The following ALPL variants were observed in gnomAD, a reference collection of about 807,000 sequenced individuals.
ALPL encodes alkaline phosphatase, biomineralization associated, also known as alkaline phosphatase, tissue-nonspecific isozyme.
ALPL carries 42 observed loss-of-function variants against 51.3 expected under a neutral mutation model. The observed-to-expected ratio is 0.82, with a 90% CI of 0.64 to 1.06. The LOEUF (loss-of-function observed/expected upper bound fraction) is 1.06. Ranked by LOEUF, ALPL falls within the 50% of genes least tolerant of loss-of-function variation. The pLI is 0.00. For missense variants in ALPL, 589 were observed against 709.4 expected (o/e 0.83, Z 1.93); for synonymous variants, 279 against 296.4 (o/e 0.94, Z 0.60).
rs121918003 is a variant in ALPL, at chr1:21,561,127, G to C, written c.212G>C (p.Arg71Pro). Residue 71 changes from arginine (R) to proline (P), a missense_variant, in exon 4 of 12, where the codon CGC becomes CCC. Coordinates refer to ENST00000374840, the MANE Select transcript of ALPL (RefSeq NM_000478.6). ...GGTGTCTCCACAGTGACGGCTGCCC[G>C]CATCCTCAAGGGTCAGCTCCACCAC... ...GMGVSTVTAA[R>P]ILKGQLHHNP... The C allele has an allele frequency of 1.9e-5, 31 of 1,612,770 alleles. No homozygotes were observed. The highest frequency in any genetic ancestry group is 2.6e-5 in the Non-Finnish European group (31 of 1,179,558).
intron 1 of ALPL, among the ~76,000 whole-genome samples, chr1:21,526,808 T>C (rs1417726923): frequency 6.6e-6 from 1 of 152,214 alleles, no homozygotes; most frequent in African/African-American, 2.4e-5. Context: ...GTTCTGCTTT[T>C]TCTGTTTTAT....
Position 21,520,121 on chromosome 1 carries a change from G to T in ALPL, c.-105+10604G>T, listed in dbSNP as rs548231561. Reference sequence around the variant, plus strand: ...TTATTCTATTTTTCAGGTTTTTTTTGTTGTTGTTGTTTGTTTGTTTTTTGA... The same window carrying T: ...TTATTCTATTTTTCAGGTTTTTTTTTTTGTTGTTGTTTGTTTGTTTTTTGA... On this transcript the variant is annotated intron_variant, in intron 1 of 11. Transcript: ENST00000374840. Among the ~76,000 whole-genome samples the T allele has an allele frequency of 1.0e-3, 152 of 151,794 alleles. 1 individual carries two copies. The highest frequency in any genetic ancestry group is 2.8e-3 in the African/African-American group (116 of 41,402).
At chr1:21,575,316 G>C (rs913764808) in intron 9 of ALPL, among the ~76,000 whole-genome samples, 1 of 152,204 alleles carries the variant, frequency 6.6e-6, no homozygotes, top group African/African-American at 2.4e-5. Flanking sequence ...GCCCAGCATT[G>C]CTGTTCAGGG....
At chr1:21,576,257 G>GGAT (rs1644732917) in intron 10 of ALPL, among the ~76,000 whole-genome samples, 2 of 38,706 alleles carry the variant, frequency 5.2e-5, no homozygotes, top group Admixed American at 6.7e-4. Flanking sequence ...GATGGATGAT[G>GGAT]GATGGATGGA....
At chr1:21,553,608 CT>C (rs1644360243) in intron 1 of ALPL, among the ~76,000 whole-genome samples, 1 of 152,234 alleles carries the variant, frequency 6.6e-6, no homozygotes, top group South Asian at 2.1e-4. Flanking sequence ...GGCCGGGAAT[CT>C]GTTGTAACAA....
chr1:21,575,681 C>T (rs1644717828), intron 9 of ALPL, 52 bp from the exon 10 acceptor site: 4 of 1,589,514 alleles, frequency 2.5e-6, no homozygotes, highest in African/African-American at 1.3e-5. Flanking sequence ...GGCTGGGGAG[C>T]AGATCTTCCT....
intron 8 of ALPL, among the ~76,000 whole-genome samples, chr1:21,571,787 T>G (rs1379110073): frequency 6.6e-6 from 1 of 152,078 alleles, no homozygotes; most frequent in African/African-American, 2.4e-5. Flanking sequence ...CCCAGGAGTT[T>G]GAGACCAGCC....
At chr1:21,537,783 C>T (rs1558535382) in intron 1 of ALPL, among the ~76,000 whole-genome samples, 1 of 152,230 alleles carries the variant, frequency 6.6e-6, no homozygotes, top group Non-Finnish European at 1.5e-5. Context: ...CTTTGTGACC[C>T]TGAACCTCCC....
intron 7 of ALPL, among the ~76,000 whole-genome samples, chr1:21,569,523 C>A (rs1277599547): frequency 6.6e-6 from 1 of 152,110 alleles, no homozygotes; most frequent in Non-Finnish European, 1.5e-5. Context: ...CAGGAACAAC[C>A]CTGGAGGGAG....
chr1:21,570,494 G>C (rs1228416328), intron 8 of ALPL, 120 bp downstream of exon 8: 21 of 1,035,450 alleles, frequency 2.0e-5, no homozygotes, highest in Non-Finnish European at 2.6e-5. Flanking sequence ...CTCTGCTCTT[G>C]GGCTTCAGGA....
intron 1 of ALPL, among the ~76,000 whole-genome samples, chr1:21,524,558 C>T (rs974672119): frequency 6.6e-6 from 1 of 152,104 alleles, no homozygotes; most frequent in Non-Finnish European, 1.5e-5. Context: ...AGGGATCACC[C>T]AAGGTCCTAT....
At chr1:21,560,106 A>G (rs1644463399) in intron 2 of ALPL, among the ~76,000 whole-genome samples, 1 of 152,250 alleles carries the variant, frequency 6.6e-6, no homozygotes. Flanking sequence ...CAGCACTGCT[A>G]TTAAACCAAG....
intron 1 of ALPL, among the ~76,000 whole-genome samples, chr1:21,531,332 G>A (rs1450353853): frequency 4.6e-5 from 7 of 152,112 alleles, no homozygotes; most frequent in Non-Finnish European, 8.8e-5. Flanking sequence ...GGGCTCAAGC[G>A]AGCCTCCTGC....
chr1:21,533,371 G>A (rs1041492683), intron 1 of ALPL, among the ~76,000 whole-genome samples: 3 of 152,210 alleles, frequency 2.0e-5, no homozygotes, highest in African/African-American at 7.2e-5. Flanking sequence ...TCTCCTTTCA[G>A]TTTGGTAGAT....
chr1:21,574,256 C>T lies in ALPL; in HGVS notation c.997+457C>T, dbSNP rs765721915. 504 of 968,820 alleles carry T rather than the reference C, an allele frequency of 5.2e-4. 1 individual carries two copies. Among genetic ancestry groups the T allele is most frequent in the Non-Finnish European group, 6.0e-4 (488 of 814,914 alleles). 60.0% of individuals were successfully genotyped at this position (968,820 alleles called of 1,614,324 possible). On this transcript the variant is annotated intron_variant, in intron 9 of 11. Transcript: ENST00000374840. ...CGCTGCCATCTGCTGGCGGTGTGACCTCTACCTGTGCACTTCTGTTATGTG... is the reference window on the plus strand; with the variant it reads ...CGCTGCCATCTGCTGGCGGTGTGACTTCTACCTGTGCACTTCTGTTATGTG...
chr1:21,572,592 T>A (rs1644665074), intron 8 of ALPL, among the ~76,000 whole-genome samples: 1 of 152,138 alleles, frequency 6.6e-6, no homozygotes, highest in Admixed American at 6.5e-5. Flanking sequence ...GGAGGCTGGC[T>A]TTTGCCTGCT....
intron 1 of ALPL, among the ~76,000 whole-genome samples, chr1:21,544,907 T>G (rs948453233): frequency 2.0e-5 from 3 of 151,756 alleles, no homozygotes; most frequent in Non-Finnish European, 2.9e-5. Context: ...GGTTTTGTTT[T>G]GTTTTTTTTT....
chr1:21,563,596 A>G (rs1644518024), intron 5 of ALPL, among the ~76,000 whole-genome samples: 1 of 152,152 alleles, frequency 6.6e-6, no homozygotes, highest in African/African-American at 2.4e-5. Flanking sequence ...GCCCAGGGCT[A>G]GCCTGTGGGG....
chr1:21,562,722 C>A (rs3767153), intron 4 of ALPL, among the ~76,000 whole-genome samples: 45,854 of 146,994 alleles, frequency 0.31, 7,698 homozygotes, highest in South Asian at 0.44. Flanking sequence ...TATCCCCAGA[C>A]CCCCCACTCC....
Sources: allele counts gnomAD v4.1 joint callset (sites outside exome capture counted in the v4.1 genomes callset), GRCh38; gene constraint gnomAD v4.1.1; transcripts MANE v1.5; gene names NCBI Gene and HGNC (gene_info 2026-07-23, HGNC 2026-07-21).